The following GRID1 variants were observed in gnomAD, a reference collection of about 807,000 sequenced individuals.
The protein encoded by GRID1 is glutamate ionotropic receptor delta type subunit 1.
A neutral mutation model predicts 98.0 loss-of-function variants in GRID1; 28 were observed. The observed-to-expected ratio is 0.29, with a 90% CI of 0.21 to 0.39. GRID1 has a LOEUF of 0.39. GRID1 is among the 10% of genes least tolerant of loss of function. The probability of loss-of-function intolerance (pLI) is 1.00; values close to 1 mark genes in which losing one functional copy is unlikely to be tolerated. For missense variants in GRID1, 1,111 were observed against 1,340.5 expected (o/e 0.83, Z 2.67); for synonymous variants, 553 against 538.5 (o/e 1.03, Z -0.37).
intron 2 of GRID1, among the ~76,000 whole-genome samples, chr10:86,258,497 G>T (rs1219955137): frequency 6.6e-6 from 1 of 152,112 alleles, no homozygotes; most frequent in East Asian, 1.9e-4. Flanking sequence ...TTTTTTGTAG[G>T]TTGTTTATGG....
At chr10:86,169,967 C>T (rs528368857) in intron 3 of GRID1, among the ~76,000 whole-genome samples, 64 of 152,334 alleles carry the variant, frequency 4.2e-4, no homozygotes, top group African/African-American at 1.5e-3. Context: ...GGCAGGAAAG[C>T]GCCCCGTGCA....
intron 12 of GRID1, among the ~76,000 whole-genome samples, chr10:85,672,134 C>T (rs201886119): frequency 1.1e-4 from 16 of 152,198 alleles, no homozygotes; most frequent in African/African-American, 3.4e-4. Context: ...TACCAAATAA[C>T]CAATTTTCAG....
At chr10:85,961,611 C>T (rs1370370719) in intron 4 of GRID1, among the ~76,000 whole-genome samples, 2 of 150,598 alleles carry the variant, frequency 1.3e-5, no homozygotes, top group Non-Finnish European at 3.0e-5. Flanking sequence ...TTCTTTCATT[C>T]CTTCCTTTTC....
At chr10:85,733,545 T>C (rs1368554338) in intron 8 of GRID1, among the ~76,000 whole-genome samples, 3 of 152,150 alleles carry the variant, frequency 2.0e-5, no homozygotes, top group Admixed American at 6.5e-5. Flanking sequence ...GCTTGAAACA[T>C]AGAAAGAGTC....
intron 4 of GRID1, among the ~76,000 whole-genome samples, chr10:85,962,985 G>A (rs1226377285): frequency 6.6e-6 from 1 of 152,136 alleles, no homozygotes; most frequent in African/African-American, 2.4e-5. Flanking sequence ...GCTCTGCTAG[G>A]CATAAGAAGC....
At chr10:86,031,612 G>T (rs1470123248) in intron 4 of GRID1, among the ~76,000 whole-genome samples, 1 of 152,000 alleles carries the variant, frequency 6.6e-6, no homozygotes, top group African/African-American at 2.4e-5. Context: ...CACTGTTTAG[G>T]TTTTCCACCT....
At chr10:85,821,589 C>A (rs1275627716) in intron 8 of GRID1, among the ~76,000 whole-genome samples, 1 of 140,498 alleles carries the variant, frequency 7.1e-6, no homozygotes. Context: ...TAGAGGGAGA[C>A]ATGGATTGCA....
chr10:85,614,571 T>C (rs763544276), intron 14 of GRID1, among the ~76,000 whole-genome samples: 8 of 151,946 alleles, frequency 5.3e-5, no homozygotes, highest in Non-Finnish European at 2.9e-5. Context: ...GGCTTTCAAC[T>C]TGGGGGAGGA....
At chr10:85,959,048 G>T (rs753257877) in intron 4 of GRID1, among the ~76,000 whole-genome samples, 2 of 152,108 alleles carry the variant, frequency 1.3e-5, no homozygotes, top group Admixed American at 1.3e-4. Context: ...GTTGAGCTGG[G>T]GCATTGGTAT....
At chr10:85,680,717 G>A (rs958724538) in intron 12 of GRID1, among the ~76,000 whole-genome samples, 1 of 152,090 alleles carries the variant, frequency 6.6e-6, no homozygotes, top group Non-Finnish European at 1.5e-5. Flanking sequence ...CAAAGATACG[G>A]AACCAATCTA....
At chr10:85,958,360 C>T (rs915054352) in intron 4 of GRID1, among the ~76,000 whole-genome samples, 6 of 152,206 alleles carry the variant, frequency 3.9e-5, no homozygotes, top group Admixed American at 2.0e-4. Context: ...CCATCTGTCA[C>T]CTCAAGGCCC....
chr10:86,286,486 C>A (rs915119752), intron 2 of GRID1, among the ~76,000 whole-genome samples: 1 of 152,304 alleles, frequency 6.6e-6, no homozygotes, highest in African/African-American at 2.4e-5. Flanking sequence ...ATGGGCTCCA[C>A]GAATTCCCTG....
chr10:86,253,887 C>T (rs1225200278), intron 2 of GRID1, among the ~76,000 whole-genome samples: 1 of 152,164 alleles, frequency 6.6e-6, no homozygotes, highest in African/African-American at 2.4e-5. Flanking sequence ...CAAAGCCATA[C>T]CTTCCCTCAC....
chr10:85,957,239 C>T (rs958059241), intron 4 of GRID1, among the ~76,000 whole-genome samples: 2 of 152,170 alleles, frequency 1.3e-5, no homozygotes, highest in Admixed American at 1.3e-4. Flanking sequence ...TATCACACTG[C>T]CAAAGCTATA....
intron 4 of GRID1, among the ~76,000 whole-genome samples, chr10:85,988,618 C>T: frequency 6.6e-6 from 1 of 152,166 alleles, no homozygotes; most frequent in Non-Finnish European, 1.5e-5. Flanking sequence ...GGATGAACAG[C>T]TCAAGCACTA....
intron 4 of GRID1, among the ~76,000 whole-genome samples, chr10:86,043,574 G>A (rs1010859976): frequency 6.6e-6 from 1 of 152,198 alleles, no homozygotes; most frequent in Non-Finnish European, 1.5e-5. Context: ...AGGTGGGCAG[G>A]CTGCAGGCTA....
rs181077204 is a variant in GRID1 at position 85,867,367 on chromosome 10, G to A, written c.951+1643C>T. On this transcript the variant is annotated intron_variant, in intron 6 of 15. Transcript: ENST00000327946. ...GGGTGCCATGTATTTGGGGAGGGAG[G>A]AAGCCCTTCAAAGGAGAGAGAAGCT... Among the ~76,000 whole-genome samples, 232 of 152,286 alleles carry A rather than the reference G, an allele frequency of 1.5e-3. 1 individual carries two copies. The highest frequency in any genetic ancestry group is 2.2e-3 in the Non-Finnish European group (149 of 68,024).
chr10:86,350,200 G>A (rs1313730516), intron 2 of GRID1, among the ~76,000 whole-genome samples: 1 of 152,234 alleles, frequency 6.6e-6, no homozygotes, highest in Non-Finnish European at 1.5e-5. Flanking sequence ...TAAGACACAG[G>A]TAAGTTCAGC....
intron 2 of GRID1, among the ~76,000 whole-genome samples, chr10:86,265,993 C>T (rs1393731318): frequency 6.6e-6 from 1 of 152,118 alleles, no homozygotes; most frequent in Non-Finnish European, 1.5e-5. Flanking sequence ...CTCTGAGATC[C>T]AGGGGTCTCT....
Sources: gnomAD v4.1 joint callset for allele counts (sites outside exome capture counted in the v4.1 genomes callset) on GRCh38, gnomAD v4.1.1 for gene constraint, MANE v1.5 for transcripts, NCBI Gene and HGNC (gene_info 2026-07-23, HGNC 2026-07-21) for gene names.